IQANK1: variants seen among roughly 807,000 people sequenced by gnomAD.
IQANK1 encodes IQ motif and ankyrin repeat domain-containing protein 1.
In IQANK1, 30 loss-of-function variants were observed where a neutral mutation model predicts 22.6. The observed-to-expected ratio is 1.33, with a 90% CI of 0.99 to 1.80. The LOEUF is 1.80. Ranked by LOEUF, IQANK1 falls within the 40% of genes most tolerant of loss-of-function variation. The pLI, the probability that IQANK1 is intolerant of heterozygous loss-of-function variation, is 0.00. For missense variants in IQANK1, 275 were observed against 235.2 expected (o/e 1.17, Z -1.11); for synonymous variants, 122 against 99.6 (o/e 1.23, Z -1.34).
At chr8:143,785,960 T>C (rs377637963) in intron 7 of IQANK1, among the ~76,000 whole-genome samples, 156 of 152,100 alleles carry the variant, frequency 1.0e-3, no homozygotes, top group African/African-American at 3.5e-3. Context: ...CTCCTGACCT[T>C]GTGATCTGCC....
chr8:143,742,543 G>A (rs782148719), intron 3 of IQANK1: 2 of 455,968 alleles, frequency 4.4e-6, no homozygotes, highest in African/African-American at 2.0e-5. Flanking sequence ...TTTCCACCAC[G>A]CAATAGATGG....
rs905247637 is a variant in IQANK1 at position 143,771,354 on chromosome 8, C to T, written c.176-134C>T. 2 of 372,558 alleles carry T rather than the reference C, an allele frequency of 5.4e-6. No homozygotes were observed. Among genetic ancestry groups the T allele is most frequent in the East Asian group, 3.8e-5 (1 of 26,456 alleles). The allele number at this position is 372,558 out of a possible 1,614,324, so 23.1% of individuals were successfully genotyped here. On this transcript the variant is annotated intron_variant, in intron 3 of 13. Transcript: ENST00000527139. The surrounding 1 kb of genome is among the most constrained non-coding windows in gnomAD (Gnocchi z 6.0). ...GCGGGCGGGAACCCCGGCTCGGCCG[C>T]GCTGGGGGCTTTGAGAGCCGTTTGG...
chr8:143,739,713 G>A (rs1264975970), intron 2 of IQANK1, 146 bp from the exon 3 acceptor site: 7 of 571,902 alleles, frequency 1.2e-5, no homozygotes, highest in Middle Eastern at 3.4e-4. Flanking sequence ...AAGGTTGTCC[G>A]TGTGCTTCCC....
chr8:143,761,034 C>A (rs6558388), intron 3 of IQANK1, among the ~76,000 whole-genome samples: 124,885 of 152,272 alleles, frequency 0.82, 55,678 homozygotes, highest in East Asian at 1. Context: ...CAGGGAGGCG[C>A]GCGGGCCCTG....
intron 7 of IQANK1, among the ~76,000 whole-genome samples, chr8:143,783,911 G>A (rs781986519): frequency 2.3e-4 from 35 of 152,292 alleles, no homozygotes; most frequent in Non-Finnish European, 4.1e-4. Context: ...TTCTGGGATC[G>A]CTGTTCTGTT....
At position 143,758,461 on chromosome 8, in the gene IQANK1, C is replaced by T. The variant is rs1039509705; in HGVS notation, c.176-13027C>T. ...CTGGGCAACAAGAGCGAAACTCCAT[C>T]TCAAAAAGAAAAAAAAAAGAAGATG... On this transcript the variant is annotated intron_variant, in intron 3 of 13. Coordinates refer to ENST00000527139, the MANE Select transcript of IQANK1 (RefSeq NM_001381874.1). The surrounding 1 kb of genome is among the most constrained non-coding windows in gnomAD (Gnocchi z 4.2). 1.5e-4 allele frequency: 22 copies of T among 151,672 alleles called. No homozygotes were observed. Among genetic ancestry groups the T allele is most frequent in the African/African-American group, 5.3e-4 (22 of 41,310 alleles). 9.4% of individuals were successfully genotyped at this position (151,672 alleles called of 1,614,324 possible). A position where few individuals can be genotyped will look rare whatever the true frequency, so the allele number is the denominator to read the frequency against.
chr8:143,789,218 G>GGGA lies in IQANK1; in HGVS notation c.970_972dup (p.Glu324dup). 1 of 399,616 alleles carries GGGA rather than the reference G, an allele frequency of 2.5e-6. No homozygotes were observed. 24.8% of individuals were successfully genotyped at this position (399,616 alleles called of 1,614,324 possible). On this transcript the variant is annotated inframe_insertion, in exon 9 of 14. Transcript: ENST00000527139. ...ACCCTCAAGGTCCAACAGCTGACCA[G>GGGA]GGAGCAGCAGCAGTGTCACAAGGAG...
At chr8:143,752,847 A>C (rs1316833078) in intron 3 of IQANK1, among the ~76,000 whole-genome samples, 1 of 152,182 alleles carries the variant, frequency 6.6e-6, no homozygotes, top group Non-Finnish European at 1.5e-5. Context: ...AAATCACATG[A>C]GGATGTATTT....
At chr8:143,739,542 C>T (rs1310818049) in intron 2 of IQANK1, 6 of 292,592 alleles carry the variant, frequency 2.1e-5, no homozygotes, top group East Asian at 6.4e-5. Context: ...GGCCAGCAGG[C>T]GGCACTGCCA....
intron 7 of IQANK1, among the ~76,000 whole-genome samples, chr8:143,775,556 T>G (rs952228519): frequency 1.3e-5 from 2 of 151,190 alleles, no homozygotes; most frequent in Non-Finnish European, 3.0e-5. Flanking sequence ...GTCAGGAGTT[T>G]GAGACCAGCC....
intron 3 of IQANK1, among the ~76,000 whole-genome samples, chr8:143,762,364 T>C (rs62526401): frequency 0.015 from 2,247 of 150,028 alleles, 31 homozygotes; most frequent in South Asian, 0.046. Flanking sequence ...AAAGAAAGTT[T>C]GAGGACCACA....
chr8:143,746,281 T>G (rs1207273038), intron 3 of IQANK1: 12 of 152,230 alleles, frequency 7.9e-5, no homozygotes, highest in African/African-American at 2.7e-4. Flanking sequence ...GAGGATGATG[T>G]TTGCTGTTAG....
chr8:143,789,659 A>C, intron 10 of IQANK1, 102 bp from the exon 11 acceptor site: 2 of 1,208,826 alleles, frequency 1.7e-6, no homozygotes, highest in Non-Finnish European at 2.1e-6. Flanking sequence ...ACCAGCCGAC[A>C]GTGGCCTGCT....
chr8:143,790,321 A>C (rs1820009281), intron 13 of IQANK1, 29 bp from the exon 14 acceptor site: 1 of 1,228,358 alleles, frequency 8.1e-7, no homozygotes, highest in African/African-American at 1.6e-5. Flanking sequence ...CCCTAGCCCC[A>C]CCCTGGCCTC....
Position 143,749,599 on chromosome 8 carries a change from A to T in IQANK1, c.175+9651A>T, listed in dbSNP as rs1351341686. 3.6e-4 allele frequency among the ~76,000 whole-genome samples: 50 copies of T among 137,960 alleles called. 1 individual carries two copies. The highest frequency in any genetic ancestry group is 8.8e-4 in the South Asian group (4 of 4,560). 90.5% of individuals were successfully genotyped at this position (137,960 alleles called of 152,430 possible). ...ATATATATATTTTATTTATTTATTTATTTTTTTTTTTTTTGAGACGGAATC... is the reference window on the plus strand; with the variant it reads ...ATATATATATTTTATTTATTTATTTTTTTTTTTTTTTTTTGAGACGGAATC... On this transcript the variant is annotated intron_variant, in intron 3 of 13. Transcript: ENST00000527139.
chr8:143,744,178 G>C (rs1818982812), intron 3 of IQANK1: 2 of 169,960 alleles, frequency 1.2e-5, no homozygotes, highest in South Asian at 2.5e-4. Flanking sequence ...GATCTCCCCG[G>C]GTAATCTGGG....
chr8:143,768,139 T>A (rs1819511881), intron 3 of IQANK1, among the ~76,000 whole-genome samples: 1 of 151,762 alleles, frequency 6.6e-6, no homozygotes, highest in Non-Finnish European at 1.5e-5. Flanking sequence ...TGCCTCGGAC[T>A]CCCAAAGTGC....
At chr8:143,742,942 G>A (rs1554626799) in intron 3 of IQANK1, 1 of 456,098 alleles carries the variant, frequency 2.2e-6, no homozygotes, top group East Asian at 7.0e-5. Flanking sequence ...GCCCTACAGT[G>A]TCCCGGCACA....
rs529266963 is a variant in IQANK1 at position 143,772,374 on chromosome 8, G to A, written c.681G>A (p.Thr227=). The A allele has an allele frequency of 1.1e-4, 42 of 399,032 alleles. 1 individual carries two copies. The South Asian group carries it at 5.2e-3, about 50-fold the overall frequency. 24.7% of individuals were successfully genotyped at this position (399,032 alleles called of 1,614,324 possible). A position where few individuals can be genotyped will look rare whatever the true frequency, so the allele number is the denominator to read the frequency against. ...SPNSKGAFGP[T]PLYRAAFGGH... is the part of the protein sequence containing the mutation. ...TCTTGCAGGGCGCTTTCGGTCCGAC[G>A]CCGCTGTACCGTGCAGCCTTTGGGG... The change falls in exon 7 of 14, where the codon ACG becomes ACA. Residue 227 remains threonine, a synonymous_variant. Transcript: ENST00000527139.
Sources: allele counts gnomAD v4.1 joint callset (sites outside exome capture counted in the v4.1 genomes callset), GRCh38; gene constraint gnomAD v4.1.1; non-coding constraint Gnocchi (gnomAD v3.1); transcripts MANE v1.5; gene names NCBI Gene and HGNC (gene_info 2026-07-23, HGNC 2026-07-21).